Variants in CYRIB observed in about 807,000 individuals in gnomAD.
CYRIB encodes the protein CYFIP-related Rac1 interactor B.
A neutral mutation model predicts 44.2 loss-of-function variants in CYRIB; 8 were observed. The ratio of observed to expected loss-of-function variants is 0.18; its 90% CI spans 0.11 to 0.33. The LOEUF (loss-of-function observed/expected upper bound fraction) is 0.33, where lower values mean the gene tolerates loss of function less well. Among genes scored for constraint, CYRIB ranks in the 10% least tolerant of loss-of-function variants. The pLI is 1.00. For synonymous variants in CYRIB, 131 were observed against 127.2 expected (o/e 1.03, Z -0.20); for missense variants, 185 against 382.8 (o/e 0.48, Z 4.31).
intron 2 of CYRIB, among the ~76,000 whole-genome samples, chr8:129,887,121 C>T (rs570263606): frequency 1.1e-4 from 16 of 152,262 alleles, no homozygotes; most frequent in African/African-American, 3.9e-4. Flanking sequence ...CAGCCCCTCC[C>T]ACCACAGACT....
At chr8:129,881,419 A>G (rs2060758926) in intron 2 of CYRIB, among the ~76,000 whole-genome samples, 1 of 152,216 alleles carries the variant, frequency 6.6e-6, no homozygotes, top group South Asian at 2.1e-4. Flanking sequence ...TATTAAGAAA[A>G]AAGACAACTT....
chr8:129,954,805 G>A (rs2094705440), intron 2 of CYRIB, among the ~76,000 whole-genome samples: 1 of 152,136 alleles, frequency 6.6e-6, no homozygotes, highest in African/African-American at 2.4e-5. Context: ...GTAAAGTCCT[G>A]TGAAATATCT....
At position 130,008,658 on chromosome 8, in the gene CYRIB, G is replaced by C. The variant is rs139652033; in HGVS notation, c.-296+7712C>G. 6.6e-5 allele frequency among the ~76,000 whole-genome samples: 10 copies of C among 152,272 alleles called. No individual in the cohort carries two copies. In the East Asian group the frequency reaches 1.4e-3, roughly 21 times the overall value. ...ACCTGAAAACTTGAGAGTTATGAAG[G>C]CATGTTTAGGAATGACTGTAAAATA... On this transcript the variant is annotated intron_variant, in intron 1 of 14. Transcript: ENST00000401979.
intron 1 of CYRIB, among the ~76,000 whole-genome samples, chr8:129,978,453 A>G (rs1391842303): frequency 6.6e-6 from 1 of 152,192 alleles, no homozygotes; most frequent in African/African-American, 2.4e-5. Context: ...AGATTTAGAG[A>G]GAATCCCTGG....
intron 1 of CYRIB, among the ~76,000 whole-genome samples, chr8:129,920,458 ATCAT>A (rs1192214166): frequency 6.6e-6 from 1 of 152,174 alleles, no homozygotes; most frequent in East Asian, 1.9e-4. Flanking sequence ...TTAAGTAGAA[ATCAT>A]TCAGTATTTT....
intron 1 of CYRIB, among the ~76,000 whole-genome samples, chr8:129,983,711 G>A (rs998615961): frequency 6.6e-6 from 1 of 152,100 alleles, no homozygotes; most frequent in Non-Finnish European, 1.5e-5. Flanking sequence ...ACAGGGATGC[G>A]GGGACGCTGG....
chr8:129,898,133 T>C lies in CYRIB; in HGVS notation c.-11+5179A>G, dbSNP rs139747459. ...AGGAATACTCATCACAAAGACCTTG[T>C]TAAACATTATAGGCTAAAGAACCAA... On this transcript the variant is annotated intron_variant, in intron 2 of 11. Transcript: ENST00000519824. Among the ~76,000 whole-genome samples the C allele has an allele frequency of 8.2e-3, 1,251 of 151,892 alleles. 20 individuals are homozygous for C. The highest frequency in any genetic ancestry group is 0.029 in the African/African-American group (1,207 of 41,442).
chr8:129,858,629 T>G (rs1039069316), intron 5 of CYRIB, among the ~76,000 whole-genome samples: 2 of 151,926 alleles, frequency 1.3e-5, no homozygotes, highest in African/African-American at 4.8e-5. Flanking sequence ...CAACCAAGAG[T>G]CATGACCACA....
chr8:129,870,089 A>G (rs905076598), intron 4 of CYRIB, among the ~76,000 whole-genome samples: 1 of 152,180 alleles, frequency 6.6e-6, no homozygotes, highest in South Asian at 2.1e-4. Flanking sequence ...TCCCTCAGTT[A>G]ATGACACTAC....
intron 1 of CYRIB, among the ~76,000 whole-genome samples, chr8:129,921,960 G>C (rs2083867792): frequency 6.6e-6 from 1 of 152,168 alleles, no homozygotes; most frequent in East Asian, 1.9e-4. Flanking sequence ...CAGAAGTATG[G>C]AGTTCAGGGA....
At chr8:130,015,514 A>T (rs2097322082) in intron 1 of CYRIB, among the ~76,000 whole-genome samples, 1 of 152,164 alleles carries the variant, frequency 6.6e-6, no homozygotes, top group African/African-American at 2.4e-5. Context: ...TGCAAAGTGC[A>T]TGTGACACTC....
At chr8:129,888,560 A>G (rs1219732305) in intron 2 of CYRIB, among the ~76,000 whole-genome samples, 1 of 152,168 alleles carries the variant, frequency 6.6e-6, no homozygotes, top group Non-Finnish European at 1.5e-5. Flanking sequence ...ACCTCTTCAG[A>G]GAGAATCCTT....
At chr8:129,941,549 C>G (rs1247049981), upstream of CYRIB, among the ~76,000 whole-genome samples, 1 of 152,136 alleles carries the variant, frequency 6.6e-6, no homozygotes. Flanking sequence ...GCTAGGATTA[C>G]AGGCGTGAGC....
chr8:129,985,936 C>A (rs573888391), intron 1 of CYRIB, among the ~76,000 whole-genome samples: 1 of 152,308 alleles, frequency 6.6e-6, no homozygotes, highest in Non-Finnish European at 1.5e-5. Context: ...GGCATGGCTG[C>A]CCAGCTGTTA....
intron 2 of CYRIB, among the ~76,000 whole-genome samples, chr8:129,888,122 C>T (rs1045807967): frequency 6.6e-6 from 1 of 152,162 alleles, no homozygotes; most frequent in African/African-American, 2.4e-5. Flanking sequence ...AAGGAGCCTG[C>T]TGGGAGGAGA....
At chr8:130,016,794 C>G (rs1202767138), upstream of CYRIB, 1 of 151,404 alleles carries the variant, frequency 6.6e-6, no homozygotes, top group African/African-American at 2.4e-5. Flanking sequence ...CCTCCCGAGC[C>G]GGGGCGCCAC....
intron 2 of CYRIB, 123 bp from the exon 5 acceptor site, chr8:129,879,594 TA>T (rs1466675794): frequency 2.8e-6 from 2 of 713,666 alleles, no homozygotes; most frequent in African/African-American, 3.6e-5. Context: ...TTCTTCAGGT[TA>T]CCCAGACTGT....
chr8:129,865,445 C>T (rs1474485100), intron 4 of CYRIB, among the ~76,000 whole-genome samples: 1 of 152,164 alleles, frequency 6.6e-6, no homozygotes, highest in Non-Finnish European at 1.5e-5. Context: ...GAGAAGGATA[C>T]CTTAACCCTA....
intron 1 of CYRIB, among the ~76,000 whole-genome samples, chr8:130,001,525 CTTTT>C (rs1325066581): frequency 8.3e-6 from 1 of 120,340 alleles, no homozygotes. Flanking sequence ...AAAATAATTT[CTTTT>C]TTTTTTTTTT....
Sources: allele counts gnomAD v4.1 joint callset (sites outside exome capture counted in the v4.1 genomes callset), GRCh38; gene constraint gnomAD v4.1.1; transcripts MANE v1.5; gene names NCBI Gene and HGNC (gene_info 2026-07-23, HGNC 2026-07-21).